The following RUSC2 variants were observed in gnomAD, a reference collection of about 807,000 sequenced individuals.
The protein encoded by RUSC2 is AP-4 complex accessory subunit RUSC2.
RUSC2 carries 34 observed loss-of-function variants against 122.2 expected under a neutral mutation model. The ratio of observed to expected loss-of-function variants is 0.28; its 90% CI spans 0.21 to 0.37. The LOEUF (loss-of-function observed/expected upper bound fraction) is 0.37. Ranked by LOEUF, RUSC2 falls within the 10% of genes least tolerant of loss-of-function variation. The pLI is 1.00. For missense variants in RUSC2, 1,747 were observed against 1,952.4 expected (o/e 0.89, Z 1.98); for synonymous variants, 784 against 790.0 (o/e 0.99, Z 0.13).
At chr9:35,537,975 G>C (rs1821563145) in intron 1 of RUSC2, among the ~76,000 whole-genome samples, 1 of 152,282 alleles carries the variant, frequency 6.6e-6, no homozygotes, top group African/African-American at 2.4e-5. Flanking sequence ...CAGAACCTGA[G>C]GAGGCTGGAG....
chr9:35,511,899 G>T (rs967638184), intron 1 of RUSC2, among the ~76,000 whole-genome samples: 1 of 152,012 alleles, frequency 6.6e-6, no homozygotes, highest in Non-Finnish European at 1.5e-5. Flanking sequence ...GGAAAATCTC[G>T]GCCGGGCGCG....
At chr9:35,513,577 G>GA (rs79138342) in intron 1 of RUSC2, among the ~76,000 whole-genome samples, 5,009 of 149,078 alleles carry the variant, frequency 0.034, 256 homozygotes, top group African/African-American at 0.11. Context: ...TTATTTAAAA[G>GA]AAAAAAAAAC....
At chr9:35,522,369 GCC>G (rs538265094) in intron 1 of RUSC2, among the ~76,000 whole-genome samples, 1 of 152,200 alleles carries the variant, frequency 6.6e-6, no homozygotes, top group African/African-American at 2.4e-5. Context: ...TGCCTCTGGG[GCC>G]CCCCACAGTA....
chr9:35,509,955 A>C (rs1200401089), intron 1 of RUSC2, among the ~76,000 whole-genome samples: 1 of 152,140 alleles, frequency 6.6e-6, no homozygotes, highest in Non-Finnish European at 1.5e-5. Flanking sequence ...TTCTATACCT[A>C]CCTTTTCTTA....
chr9:35,525,440 G>A (rs1406552937), intron 1 of RUSC2, among the ~76,000 whole-genome samples: 1 of 152,070 alleles, frequency 6.6e-6, no homozygotes, highest in Non-Finnish European at 1.5e-5. Context: ...TTGTTGGTGG[G>A]GACTGGGTGT....
chr9:35,513,190 T>TTTGTTGTTGTTGCTG (rs1821040721), intron 1 of RUSC2, among the ~76,000 whole-genome samples: 1 of 149,654 alleles, frequency 6.7e-6, no homozygotes, highest in Non-Finnish European at 1.5e-5. Context: ...TATACTTTGT[T>TTTGTTGTTGTTGCTG]TTGTTGTTGT....
chr9:35,507,725 G>A (rs529113380), intron 1 of RUSC2: 11 of 226,790 alleles, frequency 4.9e-5, no homozygotes, highest in African/African-American at 9.2e-5. Context: ...AGAGTAAGCC[G>A]ATTTTCCAGA....
chr9:35,546,555 C>T lies in RUSC2; in HGVS notation c.34C>T (p.Leu12Phe). The T allele has an allele frequency of 6.7e-7, 1 of 1,485,322 alleles. No homozygotes were observed. The highest frequency in any genetic ancestry group is 8.9e-7 in the Non-Finnish European group (1 of 1,117,392). 92.0% of individuals were successfully genotyped at this position (1,485,322 alleles called of 1,614,324 possible). Residue 12 changes from leucine (L) to phenylalanine (F), a missense_variant, in exon 2 of 12, where the codon CTC becomes TTC. Physicochemically the swap from Leu to Phe is conservative, Grantham distance 22. Transcript: ENST00000361226. The surrounding 1 kb of genome is among the most constrained non-coding windows in gnomAD (Gnocchi z 4.3). ...DSPPKLTGET[L>F]IVHHIPLVHC... ...TCCCCCAAAGCTGACTGGAGAGACCCTCATCGTTCATCACATCCCCCTGGT... is the reference window on the plus strand; with the variant it reads ...TCCCCCAAAGCTGACTGGAGAGACCTTCATCGTTCATCACATCCCCCTGGT...
At chr9:35,545,613 TATCCTGAGC>T (rs961106845) in intron 1 of RUSC2, among the ~76,000 whole-genome samples, 4 of 152,232 alleles carry the variant, frequency 2.6e-5, no homozygotes, top group Admixed American at 2.6e-4. Context: ...AGGATGTCTG[TATCCTGAGC>T]TAGACGCATG....
At chr9:35,513,906 ATATAT>A (rs1175106164) in intron 1 of RUSC2, among the ~76,000 whole-genome samples, 1 of 33,140 alleles carries the variant, frequency 3.0e-5, no homozygotes, top group Non-Finnish European at 7.3e-5. Context: ...CAACAAACAT[ATATAT>A]ATATATATAT....
intron 1 of RUSC2, among the ~76,000 whole-genome samples, chr9:35,494,936 A>T (rs1820648934): frequency 7.8e-6 from 1 of 128,264 alleles, no homozygotes; most frequent in South Asian, 2.2e-4. Flanking sequence ...TATAAAATTT[A>T]TATATAATAT....
At chr9:35,525,232 C>A (rs905868465) in intron 1 of RUSC2, among the ~76,000 whole-genome samples, 5 of 152,080 alleles carry the variant, frequency 3.3e-5, no homozygotes, top group Non-Finnish European at 5.9e-5. Flanking sequence ...TTGGTATTAT[C>A]CTGAAATAGA....
chr9:35,543,148 C>T (rs1412327338), intron 1 of RUSC2, among the ~76,000 whole-genome samples: 2 of 152,086 alleles, frequency 1.3e-5, no homozygotes, highest in Admixed American at 6.6e-5. Flanking sequence ...TGTTTAGGCC[C>T]GGCATGGTGG....
chr9:35,522,378 A>G (rs1821232857), intron 1 of RUSC2, among the ~76,000 whole-genome samples: 1 of 152,200 alleles, frequency 6.6e-6, no homozygotes, highest in African/African-American at 2.4e-5. Flanking sequence ...GGCCCCCCAC[A>G]GTAAGGAGAG....
chr9:35,549,578 C>T (rs1470188884), intron 2 of RUSC2, among the ~76,000 whole-genome samples: 1 of 152,142 alleles, frequency 6.6e-6, no homozygotes, highest in Non-Finnish European at 1.5e-5. Context: ...CAGACTGAAA[C>T]GTCAGGGAGG....
chr9:35,561,431 C>T lies in RUSC2; in HGVS notation c.*49C>T, dbSNP rs759123729. Reference sequence around the variant, plus strand: ...CAGGGACCCTCATAACCCCCAGACTCAGAGCCCGAGAGCCCTTCCCAAGCC... The same window carrying T: ...CAGGGACCCTCATAACCCCCAGACTTAGAGCCCGAGAGCCCTTCCCAAGCC... On this transcript the variant is annotated 3_prime_UTR_variant, in exon 12 of 12. Coordinates refer to ENST00000361226, the MANE Select transcript of RUSC2 (RefSeq NM_014806.5). The T allele has an allele frequency of 2.0e-6, 3 of 1,494,194 alleles. No homozygotes were observed. Among genetic ancestry groups the T allele is most frequent in the Admixed American group, 2.0e-5 (1 of 49,948 alleles). 92.6% of individuals were successfully genotyped at this position (1,494,194 alleles called of 1,614,324 possible). A position where few individuals can be genotyped will look rare whatever the true frequency, so the allele number is the denominator to read the frequency against.
At chr9:35,535,774 T>G (rs1232153979) in intron 1 of RUSC2, among the ~76,000 whole-genome samples, 1 of 151,316 alleles carries the variant, frequency 6.6e-6, no homozygotes, top group African/African-American at 2.4e-5. Context: ...TCTCCTGACC[T>G]CGTGATCTGC....
At position 35,561,669 on chromosome 9, in the gene RUSC2, C is replaced by G. The variant is rs979412133; in HGVS notation, c.*287C>G. The G allele has an allele frequency of 7.5e-6, 4 of 535,250 alleles. No individual in the cohort carries two copies. Among genetic ancestry groups the G allele is most frequent in the Admixed American group, 3.3e-5 (1 of 30,268 alleles). 33.2% of individuals were successfully genotyped at this position (535,250 alleles called of 1,614,324 possible). A position where few individuals can be genotyped will look rare whatever the true frequency, so the allele number is the denominator to read the frequency against. ...CTTCCATGGGTGAAGACAAGCAAGT[C>G]CCCCTGGAGGCGGGTGGCCCAGAAA... is the stretch of plus-strand genomic sequence containing the variant. On this transcript the variant is annotated 3_prime_UTR_variant, in exon 12 of 12. Transcript: ENST00000361226.
intron 1 of RUSC2, chr9:35,538,655 C>G (rs1168480760): frequency 6.6e-6 from 1 of 152,358 alleles, no homozygotes; most frequent in East Asian, 1.9e-4. Context: ...TGCCTAAGGA[C>G]AAAAGAGGAG....
Sources: gnomAD v4.1 joint callset for allele counts (sites outside exome capture counted in the v4.1 genomes callset) on GRCh38, gnomAD v4.1.1 for gene constraint, Gnocchi (gnomAD v3.1) non-coding constraint, MANE v1.5 for transcripts, NCBI Gene and HGNC (gene_info 2026-07-23, HGNC 2026-07-21) for gene names.